Variants in MYO1B observed in about 807,000 individuals in gnomAD.
The protein encoded by MYO1B is myosin IB.
MYO1B carries 72 observed loss-of-function variants against 159.7 expected under a neutral mutation model. The observed-to-expected ratio is 0.45, with a 90% CI of 0.37 to 0.55. The LOEUF is 0.55. MYO1B is among the 20% of genes least tolerant of loss of function. MYO1B has a pLI of 0.00. For missense variants in MYO1B, 1,062 were observed against 1,364.8 expected (o/e 0.78, Z 3.50); for synonymous variants, 468 against 473.8 (o/e 0.99, Z 0.16).
intron 16 of MYO1B, among the ~76,000 whole-genome samples, chr2:191,386,578 A>G (rs1695413128): frequency 1.3e-5 from 2 of 152,212 alleles, no homozygotes; most frequent in Admixed American, 6.5e-5. Flanking sequence ...TATAAAGACA[A>G]TGCTAAAAAC....
At chr2:191,329,760 C>T (rs1185882679) in intron 3 of MYO1B, among the ~76,000 whole-genome samples, 175 bp from the exon 4 acceptor site, 1 of 151,498 alleles carries the variant, frequency 6.6e-6, no homozygotes, top group African/African-American at 2.4e-5. Context: ...GGTAACGTGT[C>T]ACAATGGATG....
intron 3 of MYO1B, among the ~76,000 whole-genome samples, chr2:191,302,318 G>C (rs1689385893): frequency 6.6e-6 from 1 of 152,178 alleles, no homozygotes; most frequent in African/African-American, 2.4e-5. Flanking sequence ...CTCTGTGGCT[G>C]TCTCCAGTGC....
At chr2:191,346,477 G>A (rs1387679209) in intron 6 of MYO1B, among the ~76,000 whole-genome samples, 195 bp downstream of exon 6, 1 of 152,076 alleles carries the variant, frequency 6.6e-6, no homozygotes, top group Non-Finnish European at 1.5e-5. Flanking sequence ...GGAGTAACAA[G>A]CAATTTTTAT....
chr2:191,300,736 G>A (rs1689276499), intron 3 of MYO1B, among the ~76,000 whole-genome samples: 1 of 145,886 alleles, frequency 6.9e-6, no homozygotes, highest in African/African-American at 2.6e-5. Flanking sequence ...TGAGTAGGTA[G>A]GTGGGACTAT....
At chr2:191,358,466 G>T (rs538445028) in intron 7 of MYO1B, among the ~76,000 whole-genome samples, 26 of 152,220 alleles carry the variant, frequency 1.7e-4, no homozygotes, top group Non-Finnish European at 3.1e-4. Flanking sequence ...CATATCGTGC[G>T]CAAGTGAATA....
chr2:191,353,088 C>T (rs1355923009), intron 7 of MYO1B, among the ~76,000 whole-genome samples: 1 of 152,124 alleles, frequency 6.6e-6, no homozygotes, highest in Non-Finnish European at 1.5e-5. Flanking sequence ...CTAAAAGAGA[C>T]AAATTAAGTC....
rs771015078 is a variant in MYO1B, at chr2:191,265,888, G to A, written c.-9-10999G>A. On this transcript the variant is annotated intron_variant, in intron 1 of 30. Transcript: ENST00000392318. ...GTCATTGTGAGCTGTATAGCATGAC[G>A]ACCGGTTCCCCTACAGCTGGGCTGC... Among the ~76,000 whole-genome samples, 156 of 152,074 alleles carry A rather than the reference G, an allele frequency of 1.0e-3. 2 individuals are homozygous for A. The highest frequency in any genetic ancestry group is 6.0e-4 in the Non-Finnish European group (41 of 68,002).
At position 191,392,068 on chromosome 2, in the gene MYO1B, T is replaced by G. The variant is rs764216381; in HGVS notation, c.1983-40T>G. On this transcript the variant is annotated intron_variant, in intron 18 of 30. Transcript: ENST00000392318. ...ATGATAGAAGATAAAACTATTTTTG[T>G]AACTCAGAAAACTCACTGTTTTTAT... 4 of 1,480,526 alleles carry G rather than the reference T, an allele frequency of 2.7e-6. No homozygotes were observed. In the East Asian group the frequency reaches 9.1e-5, roughly 34 times the overall value. 91.7% of individuals were successfully genotyped at this position (1,480,526 alleles called of 1,614,324 possible).
chr2:191,264,944 A>C (rs552926658), intron 1 of MYO1B, among the ~76,000 whole-genome samples: 1 of 152,078 alleles, frequency 6.6e-6, no homozygotes, highest in Admixed American at 6.6e-5. Context: ...TGAAGGTGGC[A>C]GTGTGCCCAG....
chr2:191,319,735 T>C (rs1040308675), intron 3 of MYO1B, among the ~76,000 whole-genome samples: 2 of 152,154 alleles, frequency 1.3e-5, no homozygotes, highest in African/African-American at 4.8e-5. Flanking sequence ...AAATGCATTA[T>C]ACTTATAATC....
chr2:191,422,692 A>T (rs1277128095), intron 30 of MYO1B, among the ~76,000 whole-genome samples: 3 of 152,222 alleles, frequency 2.0e-5, no homozygotes, highest in South Asian at 2.1e-4. Context: ...TATGCAGATA[A>T]CGACAAAAAC....
intron 2 of MYO1B, among the ~76,000 whole-genome samples, chr2:191,290,243 C>G (rs181586415): frequency 2.0e-5 from 3 of 152,114 alleles, no homozygotes; most frequent in African/African-American, 7.2e-5. Flanking sequence ...TTTGTCCCTC[C>G]CTACTCTTCC....
intron 18 of MYO1B, 64 bp from the exon 19 acceptor site, chr2:191,392,044 T>A (rs530851312): frequency 8.3e-7 from 1 of 1,211,376 alleles, no homozygotes; most frequent in Non-Finnish European, 1.2e-6. Context: ...CCTGATACCA[T>A]GATAGAAGAT....
At chr2:191,248,869 T>A (rs1239846802) in intron 1 of MYO1B, among the ~76,000 whole-genome samples, 2 of 152,228 alleles carry the variant, frequency 1.3e-5, no homozygotes, top group Admixed American at 1.3e-4. Flanking sequence ...CAAATTACTT[T>A]CACGTCTATT....
At chr2:191,247,214 T>C (rs1397216047) in intron 1 of MYO1B, among the ~76,000 whole-genome samples, 1 of 152,118 alleles carries the variant, frequency 6.6e-6, no homozygotes, top group East Asian at 1.9e-4. Context: ...TAGGAGACAT[T>C]CTGTTGTAGT....
intron 3 of MYO1B, among the ~76,000 whole-genome samples, chr2:191,312,102 T>G (rs761728305): frequency 6.6e-5 from 10 of 152,256 alleles, no homozygotes; most frequent in Non-Finnish European, 1.3e-4. Flanking sequence ...GACTTTAACT[T>G]TCTTTGATGT....
At chr2:191,374,267 T>G (rs1286694289) in intron 13 of MYO1B, among the ~76,000 whole-genome samples, 2 of 152,178 alleles carry the variant, frequency 1.3e-5, no homozygotes, top group Non-Finnish European at 2.9e-5. Context: ...AAGGCAAAAA[T>G]GAAAATTTCT....
At chr2:191,249,988 G>T (rs578012813) in intron 1 of MYO1B, among the ~76,000 whole-genome samples, 196 of 152,338 alleles carry the variant, frequency 1.3e-3, no homozygotes, top group African/African-American at 4.5e-3. Context: ...GCCTTTGGTA[G>T]GTCTTTGCAG....
chr2:191,319,493 C>T (rs1226779815), intron 3 of MYO1B, among the ~76,000 whole-genome samples: 8 of 152,170 alleles, frequency 5.3e-5, no homozygotes, highest in Admixed American at 2.0e-4. Context: ...ATGGATTTGG[C>T]TAAGTCATGA....
Sources: gnomAD v4.1 joint callset for allele counts (sites outside exome capture counted in the v4.1 genomes callset) on GRCh38, gnomAD v4.1.1 for gene constraint, MANE v1.5 for transcripts, NCBI Gene and HGNC (gene_info 2026-07-23, HGNC 2026-07-21) for gene names.